The following PITPNC1 variants were observed in gnomAD, a reference collection of about 807,000 sequenced individuals.
PITPNC1 encodes cytoplasmic phosphatidylinositol transfer protein 1.
A neutral mutation model predicts 44.7 loss-of-function variants in PITPNC1; 18 were observed. The ratio of observed to expected loss-of-function variants is 0.40; its 90% CI spans 0.28 to 0.60. The LOEUF is 0.60. PITPNC1 is among the 20% of genes least tolerant of loss of function. PITPNC1 has a pLI of 0.39. For missense variants in PITPNC1, 290 were observed against 418.4 expected (o/e 0.69, Z 2.68); for synonymous variants, 141 against 149.6 (o/e 0.94, Z 0.42).
chr17:67,601,345 C>CATAG (rs1385139985), intron 5 of PITPNC1, among the ~76,000 whole-genome samples: 6 of 152,098 alleles, frequency 3.9e-5, no homozygotes, highest in Admixed American at 1.3e-4. Flanking sequence ...CAGGGCAAGG[C>CATAG]ATAGAACACA....
chr17:67,378,872 C>T, intron 1 of PITPNC1: 1 of 523,120 alleles, frequency 1.9e-6, no homozygotes, highest in Non-Finnish European at 2.5e-6. Flanking sequence ...CCGGGAGCGG[C>T]GGGGGCTGCG....
rs921345151 is a variant in PITPNC1 at position 67,638,138 on chromosome 17, A to G, written c.462+5900A>G. The G allele has an allele frequency of 2.0e-5, 3 of 152,324 alleles. No individual in the cohort carries two copies. In the East Asian group the frequency reaches 5.8e-4, roughly 29 times the overall value. The allele number at this position is 152,324 out of a possible 1,614,324, so 9.4% of individuals were successfully genotyped here. ...TCCTTGATGCTCTGCCAAGATTTCA[A>G]GGTGAAGATCCCAGCGGAGGAATGA... is the stretch of plus-strand genomic sequence containing the variant. On this transcript the variant is annotated intron_variant, in intron 6 of 8. Transcript: ENST00000581322.
chr17:67,654,672 G>T (rs1008138845), intron 6 of PITPNC1, among the ~76,000 whole-genome samples: 6 of 151,974 alleles, frequency 3.9e-5, no homozygotes, highest in Non-Finnish European at 8.8e-5. Flanking sequence ...TCCCTCTATT[G>T]CCCAGGCTGG....
chr17:67,672,632 TTA>T (rs2042535009), intron 7 of PITPNC1, among the ~76,000 whole-genome samples: 1 of 146,274 alleles, frequency 6.8e-6, no homozygotes, highest in Admixed American at 6.9e-5. Context: ...TAATAATAAT[TTA>T]AAAGGCCATA....
At chr17:67,403,006 T>C (rs1040794783) in intron 1 of PITPNC1, among the ~76,000 whole-genome samples, 3 of 152,116 alleles carry the variant, frequency 2.0e-5, no homozygotes, top group Admixed American at 6.6e-5. Context: ...ATATCTGTAT[T>C]AACCGTTCTT....
chr17:67,449,340 G>C (rs755390851), intron 1 of PITPNC1, among the ~76,000 whole-genome samples: 1 of 152,098 alleles, frequency 6.6e-6, no homozygotes, highest in Non-Finnish European at 1.5e-5. Flanking sequence ...TGGTGGTGCC[G>C]ATACACACAT....
At chr17:67,474,142 G>A (rs913530787) in intron 1 of PITPNC1, among the ~76,000 whole-genome samples, 4 of 152,094 alleles carry the variant, frequency 2.6e-5, no homozygotes, top group Admixed American at 1.3e-4. Context: ...TGGATGGAGC[G>A]AAGTTCCTAG....
chr17:67,530,247 C>A (rs1241223883), intron 1 of PITPNC1, among the ~76,000 whole-genome samples: 2 of 151,910 alleles, frequency 1.3e-5, no homozygotes, highest in African/African-American at 4.8e-5. Flanking sequence ...CCCGCCACCA[C>A]ACCTGGCTAA....
chr17:67,460,730 T>C (rs921382589), intron 1 of PITPNC1, among the ~76,000 whole-genome samples: 32 of 131,286 alleles, frequency 2.4e-4, no homozygotes, highest in African/African-American at 8.0e-4. Flanking sequence ...TTTTTTCTTT[T>C]TCTTTCTTTC....
chr17:67,506,723 C>T (rs1178873115), intron 1 of PITPNC1, among the ~76,000 whole-genome samples: 1 of 152,106 alleles, frequency 6.6e-6, no homozygotes, highest in Non-Finnish European at 1.5e-5. Context: ...GATTAAATTA[C>T]ACCTATACTA....
At chr17:67,434,005 C>T (rs2038896875) in intron 1 of PITPNC1, among the ~76,000 whole-genome samples, 1 of 152,204 alleles carries the variant, frequency 6.6e-6, no homozygotes, top group Non-Finnish European at 1.5e-5. Context: ...GGGGCCGAGA[C>T]CACAAATGGT....
At chr17:67,551,047 C>T (rs2040755963) in intron 2 of PITPNC1, among the ~76,000 whole-genome samples, 1 of 151,778 alleles carries the variant, frequency 6.6e-6, no homozygotes, top group African/African-American at 2.4e-5. Context: ...GGTGACAGAG[C>T]GAGACTCCGT....
intron 1 of PITPNC1, among the ~76,000 whole-genome samples, chr17:67,472,842 T>A (rs1164400543): frequency 4.6e-5 from 7 of 151,874 alleles, no homozygotes; most frequent in Non-Finnish European, 1.0e-4. Flanking sequence ...TCAAAGAATT[T>A]GTGGACATAT....
intron 1 of PITPNC1, among the ~76,000 whole-genome samples, chr17:67,403,215 CT>C (rs1225004344): frequency 1.9e-3 from 27 of 13,990 alleles, no homozygotes; most frequent in Middle Eastern, 0.1. Context: ...GACCTCATCT[CT>C]ACAAAAAAAA....
chr17:67,405,609 C>CTTT (rs748815813), intron 1 of PITPNC1, among the ~76,000 whole-genome samples: 1 of 142,002 alleles, frequency 7.0e-6, no homozygotes, highest in Non-Finnish European at 1.5e-5. Context: ...TTCTTTCTTT[C>CTTT]TTTTTTTTTT....
chr17:67,625,916 C>T (rs1244871191), intron 5 of PITPNC1, among the ~76,000 whole-genome samples: 1 of 151,822 alleles, frequency 6.6e-6, no homozygotes, highest in African/African-American at 2.4e-5. Context: ...TCTCAAATTT[C>T]AGGATGTCTC....
chr17:67,448,190 G>A (rs143952834), intron 1 of PITPNC1, among the ~76,000 whole-genome samples: 2,829 of 151,978 alleles, frequency 0.019, 113 homozygotes, highest in African/African-American at 0.063. Flanking sequence ...CAGGTGATCC[G>A]CCCGCCTTGG....
At position 67,583,202 on chromosome 17, in the gene PITPNC1, T is replaced by C. The variant is rs552966079; in HGVS notation, c.366+4945T>C. On this transcript the variant is annotated intron_variant, in intron 5 of 8. Transcript: ENST00000581322. ...GCAGTTTTAGAGTCTACCCTGAGGC[T>C]GAACCTGATATGTTCCCTCAGGAGA... Among the ~76,000 whole-genome samples the C allele has an allele frequency of 2.0e-5, 3 of 152,302 alleles. No homozygotes were observed. In the East Asian group the frequency reaches 5.8e-4, roughly 29 times the overall value.
Position 67,574,333 on chromosome 17 carries a change from G to C in PITPNC1, c.295-3853G>C, listed in dbSNP as rs944420287. On this transcript the variant is annotated intron_variant, in intron 4 of 8. Coordinates refer to ENST00000581322, the MANE Select transcript of PITPNC1 (RefSeq NM_012417.4). Reference sequence around the variant, plus strand: ...AAAAAGAGGAGGATATATCTTTCTCGGATTCACAAAGAATAAGAAACGTAA... The same window carrying C: ...AAAAAGAGGAGGATATATCTTTCTCCGATTCACAAAGAATAAGAAACGTAA... Among the ~76,000 whole-genome samples, 4 of 152,042 alleles carry C rather than the reference G, an allele frequency of 2.6e-5. No homozygotes were observed. The South Asian group carries it at 8.3e-4, about 32-fold the overall frequency.
Sources: allele counts gnomAD v4.1 joint callset (sites outside exome capture counted in the v4.1 genomes callset), GRCh38; gene constraint gnomAD v4.1.1; transcripts MANE v1.5; gene names NCBI Gene and HGNC (gene_info 2026-07-23, HGNC 2026-07-21).